The following FBXL19 variants were observed in gnomAD, a reference collection of about 807,000 sequenced individuals.
The protein encoded by FBXL19 is F-box/LRR-repeat protein 19.
Under a neutral mutation model 71.2 loss-of-function variants are expected in FBXL19, and 16 were observed. That is an observed-to-expected ratio of 0.22 (90% CI 0.15 to 0.34). FBXL19 has a LOEUF of 0.34. FBXL19 is among the 10% of genes least tolerant of loss of function. The pLI is 1.00. For synonymous variants in FBXL19, 447 were observed against 409.4 expected (o/e 1.09, Z -1.11); for missense variants, 658 against 968.2 (o/e 0.68, Z 4.25).
chr16:30,929,938 A>T, intron 6 of FBXL19, 135 bp from the exon 7 acceptor site: 1 of 1,184,582 alleles, frequency 8.4e-7, no homozygotes, highest in Non-Finnish European at 1.2e-6. Flanking sequence ...AAGGTCTCTC[A>T]CTGTCCGGAG....
At chr16:30,928,143 G>A (rs547861787) in intron 5 of FBXL19, among the ~76,000 whole-genome samples, 180 bp downstream of exon 5, 4 of 147,788 alleles carry the variant, frequency 2.7e-5, no homozygotes, top group African/African-American at 7.9e-5. Context: ...GTGTGGAGGA[G>A]GGGGGGGACA....
At chr16:30,923,467 AGGAAGGAGGG>A, upstream of FBXL19, among the ~76,000 whole-genome samples, 1 of 135,788 alleles carries the variant, frequency 7.4e-6, no homozygotes, top group South Asian at 2.7e-4. Flanking sequence ...GAGGTGGTGG[AGGAAGGAGGG>A]GGAAGGGGGC....
Position 30,930,730 on chromosome 16 carries a change from C to A in FBXL19, c.1301+146C>A. The A allele has an allele frequency of 3.4e-6, 3 of 875,072 alleles. No individual in the cohort carries two copies. The highest frequency in any genetic ancestry group is 4.6e-6 in the Non-Finnish European group (3 of 649,312). The allele number at this position is 875,072 out of a possible 1,614,324, so 54.2% of individuals were successfully genotyped here. On this transcript the variant is annotated intron_variant, in intron 7 of 10. Transcript: ENST00000338343. This position sits in a 1 kb window ranked among gnomAD's most constrained non-coding sequence, Gnocchi z 8.5. ...ATGCACAGATTACAGTGCATCCTTCCGTATTTCCCGTGTGCAGGCTACTTT... is the reference window on the plus strand; with the variant it reads ...ATGCACAGATTACAGTGCATCCTTCAGTATTTCCCGTGTGCAGGCTACTTT...
chr16:30,942,305 G>T lies in FBXL19; in HGVS notation c.1465+26G>T. On this transcript the variant is annotated intron_variant, in intron 8 of 10. Coordinates refer to ENST00000338343, the MANE Select transcript of FBXL19 (RefSeq NM_001382779.1). The surrounding 1 kb of genome is among the most constrained non-coding windows in gnomAD (Gnocchi z 5.7). ...GTAGGGTGTGTGGTACGGAGGACAG[G>T]GTGGGGACAGGGACAGGCCTGGGAT... 1 of 1,598,340 alleles carries T rather than the reference G, an allele frequency of 6.3e-7. No homozygotes were observed. The highest frequency in any genetic ancestry group is 8.5e-7 in the Non-Finnish European group (1 of 1,170,648).
chr16:30,941,349 A>G lies in FBXL19; in HGVS notation c.1302-767A>G, dbSNP rs144286662. On this transcript the variant is annotated intron_variant, in intron 7 of 10. Coordinates refer to ENST00000338343, the MANE Select transcript of FBXL19 (RefSeq NM_001382779.1). ...TTAAAAATTAGCCAGGCGTGGTGAC[A>G]TGTGCCTGTGGTCCCAGCTACTCAG... Among the ~76,000 whole-genome samples, 129 of 152,204 alleles carry G rather than the reference A, an allele frequency of 8.5e-4. 4 individuals are homozygous for G. In the East Asian group the frequency reaches 0.023, roughly 27 times the overall value.
At chr16:30,939,157 C>T (rs970504865) in intron 7 of FBXL19, among the ~76,000 whole-genome samples, 3 of 151,586 alleles carry the variant, frequency 2.0e-5, no homozygotes, top group Non-Finnish European at 2.9e-5. Context: ...CTGCAAGCTC[C>T]GCCTCCCAGG....
chr16:30,940,609 C>T (rs1437575272), intron 7 of FBXL19, among the ~76,000 whole-genome samples: 2 of 152,010 alleles, frequency 1.3e-5, no homozygotes, highest in Non-Finnish European at 2.9e-5. Flanking sequence ...GGAAGGATTC[C>T]TGGGGAAGTA....
At chr16:30,939,143 C>T (rs1040346055) in intron 7 of FBXL19, among the ~76,000 whole-genome samples, 2 of 151,790 alleles carry the variant, frequency 1.3e-5, no homozygotes, top group Non-Finnish European at 2.9e-5. Context: ...GCAATCTCGG[C>T]TTACTGCAAG....
intron 1 of FBXL19, chr16:30,924,852 C>T (rs145891722): frequency 3.2e-4 from 355 of 1,120,162 alleles, no homozygotes; most frequent in Middle Eastern, 2.1e-3. Context: ...GAGGGGGAGC[C>T]CAAGGGATTC....
upstream of FBXL19, among the ~76,000 whole-genome samples, chr16:30,923,439 C>T (rs2055548085): frequency 6.7e-6 from 1 of 149,114 alleles, no homozygotes; most frequent in Non-Finnish European, 1.5e-5. Context: ...GCCCTGCGTG[C>T]GTTCGTCCTG....
Position 30,927,457 on chromosome 16 carries a change from G to A in FBXL19, c.321+6G>A. On this transcript the variant is annotated splice_donor_region_variant and intron_variant, in intron 3 of 10. Coordinates refer to ENST00000338343, the MANE Select transcript of FBXL19 (RefSeq NM_001382779.1). ...TCCACCCCGGCTGCCTGAAGGTGATGGCCCTGGGACCCCGGCGTCTGGGGT... is the reference window on the plus strand; with the variant it reads ...TCCACCCCGGCTGCCTGAAGGTGATAGCCCTGGGACCCCGGCGTCTGGGGT... 1.3e-6 allele frequency: 2 copies of A among 1,586,478 alleles called. No homozygotes were observed. The highest frequency in any genetic ancestry group is 1.7e-6 in the Non-Finnish European group (2 of 1,166,408).
intron 7 of FBXL19, among the ~76,000 whole-genome samples, chr16:30,934,167 G>A (rs2143344961): frequency 6.6e-6 from 1 of 152,208 alleles, no homozygotes; most frequent in African/African-American, 2.4e-5. Flanking sequence ...TTCGAGACCA[G>A]CCTCGCCAAC....
chr16:30,940,631 C>T (rs2055792327), intron 7 of FBXL19, among the ~76,000 whole-genome samples: 1 of 151,882 alleles, frequency 6.6e-6, no homozygotes, highest in South Asian at 2.1e-4. Context: ...GTTTGAGAGG[C>T]CCTTCTCCAG....
At chr16:30,928,730 A>G (rs113852467) in intron 6 of FBXL19, 102 bp downstream of exon 6, 2 of 857,148 alleles carry the variant, frequency 2.3e-6, no homozygotes, top group African/African-American at 2.2e-5. Flanking sequence ...GTTCTGCCCC[A>G]GCCCCACTTG....
chr16:30,927,977 C>T lies in FBXL19; in HGVS notation c.627+14C>T, dbSNP rs1474297565. 5 of 1,455,940 alleles carry T rather than the reference C, an allele frequency of 3.4e-6. No individual in the cohort carries two copies. Among genetic ancestry groups the T allele is most frequent in the African/African-American group, 3.0e-5 (2 of 66,166 alleles). The allele number at this position is 1,455,940 out of a possible 1,614,324, so 90.2% of individuals were successfully genotyped here. A position where few individuals can be genotyped will look rare whatever the true frequency, so the allele number is the denominator to read the frequency against. On this transcript the variant is annotated intron_variant, in intron 5 of 10. Transcript: ENST00000338343. ...CCAAGGAAAAAGGTGAGCCACGGAG[C>T]ACGCTCACTAGGCTTGTCCTGAGGA... is the stretch of plus-strand genomic sequence containing the variant.
intron 2 of FBXL19, 74 bp downstream of exon 2, chr16:30,926,005 C>A (rs564642619): frequency 1.4e-6 from 2 of 1,392,500 alleles, no homozygotes; most frequent in East Asian, 6.0e-5. Flanking sequence ...TGACTGCCTC[C>A]CAGCCTGTAC....
rs1317812121 is a variant in FBXL19 at position 30,930,860 on chromosome 16, G to A, written c.1301+276G>A. Among the ~76,000 whole-genome samples the A allele has an allele frequency of 6.6e-6, 1 of 152,124 alleles. No individual in the cohort carries two copies. Among genetic ancestry groups the A allele is most frequent in the Non-Finnish European group, 1.5e-5 (1 of 68,022 alleles). ...CAAGGTCATGTGGAAGAGAAGTGGT[G>A]GTAGAACTAGGCATTGGAACCTAGG... On this transcript the variant is annotated intron_variant, in intron 7 of 10. Coordinates refer to ENST00000338343, the MANE Select transcript of FBXL19 (RefSeq NM_001382779.1). This position sits in a 1 kb window ranked among gnomAD's most constrained non-coding sequence, Gnocchi z 8.5.
intron 9 of FBXL19, among the ~76,000 whole-genome samples, chr16:30,943,710 C>A (rs2055827289): frequency 6.6e-6 from 1 of 151,990 alleles, no homozygotes; most frequent in South Asian, 2.1e-4. Flanking sequence ...ATCATGTTGT[C>A]CAGGCCGATC....
Position 30,947,786 on chromosome 16 carries a change from G to C in FBXL19, c.*556G>C. 1 of 425,062 alleles carries C rather than the reference G, an allele frequency of 2.4e-6. No homozygotes were observed. Among genetic ancestry groups the C allele is most frequent in the South Asian group, 1.6e-5 (1 of 61,110 alleles). The allele number at this position is 425,062 out of a possible 1,614,324, so 26.3% of individuals were successfully genotyped here. ...GGGGCTGAGCTGGAGGTGGGGATGAGAGCAGGTGTGGGGACAGCAATACCC... is the reference window on the plus strand; with the variant it reads ...GGGGCTGAGCTGGAGGTGGGGATGACAGCAGGTGTGGGGACAGCAATACCC... On this transcript the variant is annotated 3_prime_UTR_variant, in exon 11 of 11. Coordinates refer to ENST00000338343, the MANE Select transcript of FBXL19 (RefSeq NM_001382779.1).
Sources: allele counts gnomAD v4.1 joint callset (sites outside exome capture counted in the v4.1 genomes callset), GRCh38; gene constraint gnomAD v4.1.1; non-coding constraint Gnocchi (gnomAD v3.1); transcripts MANE v1.5; gene names NCBI Gene and HGNC (gene_info 2026-07-23, HGNC 2026-07-21).